STAP2: variants seen among roughly 807,000 people sequenced by gnomAD.
STAP2 encodes signal transducing adaptor family member 2, also known as signal-transducing adaptor protein 2.
A neutral mutation model predicts 52.7 loss-of-function variants in STAP2; 58 were observed. That is an observed-to-expected ratio of 1.10 (90% CI 0.89 to 1.37). The LOEUF is 1.37. Ranked by LOEUF, STAP2 falls within the 40% of genes most tolerant of loss-of-function variation. The pLI is 0.00. For missense variants in STAP2, 522 were observed against 519.4 expected (o/e 1.00, Z -0.05); for synonymous variants, 231 against 210.5 (o/e 1.10, Z -0.84).
In STAP2 at chr19:4,338,804, C is replaced by G. The variant is rs1568390322; in HGVS notation, c.-51G>C. On this transcript the variant is annotated 5_prime_UTR_variant, in exon 1 of 13. Transcript: ENST00000594605. ...CCTCTCCTTCCAGTGGGTGCCCCAG[C>G]TGGGCCGGGAAGCTGAGAAACAGGT... 1 of 1,577,164 alleles carries G rather than the reference C, an allele frequency of 6.3e-7. No homozygotes were observed. Among genetic ancestry groups the G allele is most frequent in the Admixed American group, 1.8e-5 (1 of 55,794 alleles).
At position 4,328,658 on chromosome 19, in the gene STAP2, C is replaced by A; in HGVS notation, c.590+17G>T. The A allele has an allele frequency of 2.5e-6, 4 of 1,584,396 alleles. No homozygotes were observed. The highest frequency in any genetic ancestry group is 3.4e-6 in the Non-Finnish European group (4 of 1,165,658). On this transcript the variant is annotated intron_variant, in intron 6 of 12. Transcript: ENST00000594605. ...CACCCTCCTCCCACCCAGGGCTCTCCAGACGCGCATGCGCACCCGTTGTGC... is the reference window on the plus strand; with the variant it reads ...CACCCTCCTCCCACCCAGGGCTCTCAAGACGCGCATGCGCACCCGTTGTGC...
In STAP2 at chr19:4,325,209, C is replaced by T; in HGVS notation, c.1072+7G>A. The T allele has an allele frequency of 1.3e-6, 2 of 1,574,956 alleles. No homozygotes were observed. Among genetic ancestry groups the T allele is most frequent in the African/African-American group, 1.4e-5 (1 of 73,734 alleles). ...AGGTGAGGGTGGGATATGGGGGGGA[C>T]CCCAACCTGGCTTGGGTCCAACGGG... On this transcript the variant is annotated splice_region_variant and intron_variant, in intron 11 of 12. Transcript: ENST00000594605.
Position 4,327,116 on chromosome 19 carries a change from G to GCACC in STAP2, c.763+4_763+7dup. Reference sequence around the variant, plus strand: ...CTGGGCCCCCGAACTCCCCGAAGGGGCACCCACCTAGCACCTTCTCGTAGT... The same window carrying GCACC: ...CTGGGCCCCCGAACTCCCCGAAGGGGCACCCACCCACCTAGCACCTTCTCGTAGT... On this transcript the variant is annotated splice_region_variant and intron_variant, in intron 8 of 12. Transcript: ENST00000594605. The GCACC allele has an allele frequency of 6.2e-7, 1 of 1,613,994 alleles. No homozygotes were observed. Among genetic ancestry groups the GCACC allele is most frequent in the Non-Finnish European group, 8.5e-7 (1 of 1,179,984 alleles).
intron 9 of STAP2, among the ~76,000 whole-genome samples, chr19:4,326,316 A>G (rs527356006): frequency 6.6e-6 from 1 of 152,298 alleles, no homozygotes; most frequent in East Asian, 1.9e-4. Flanking sequence ...AGTGTGTGTC[A>G]CCTTCTGGCT....
chr19:4,324,430 C>G (rs369998455), intron 12 of STAP2, 25 bp downstream of exon 12: 8 of 1,541,556 alleles, frequency 5.2e-6, no homozygotes, highest in Non-Finnish European at 6.1e-6. Flanking sequence ...AAGCCCGCCC[C>G]GCACTGACCC....
At chr19:4,326,304 C>T (rs921599777) in intron 9 of STAP2, among the ~76,000 whole-genome samples, 1 of 152,226 alleles carries the variant, frequency 6.6e-6, no homozygotes, top group South Asian at 2.1e-4. Context: ...TGTGCCCGCA[C>T]AAGTGTGTGT....
chr19:4,334,049 G>A lies in STAP2; in HGVS notation c.103-5C>T. 1 of 1,606,850 alleles carries A rather than the reference G, an allele frequency of 6.2e-7. No individual in the cohort carries two copies. The highest frequency in any genetic ancestry group is 8.5e-7 in the Non-Finnish European group (1 of 1,177,732). ...TGCCCAGAACTTCTTGTAATCCTAG[G>A]GACCAGAAGTGCAGAAAGAAGAGGT... On this transcript the variant is annotated splice_polypyrimidine_tract_variant and splice_region_variant and intron_variant, in intron 1 of 12. Transcript: ENST00000594605.
intron 1 of STAP2, among the ~76,000 whole-genome samples, chr19:4,335,983 T>C (rs1026983332): frequency 6.6e-6 from 1 of 152,114 alleles, no homozygotes; most frequent in African/African-American, 2.4e-5. Flanking sequence ...CTGGGTCTTC[T>C]TAATTCGGGC....
intron 3 of STAP2, among the ~76,000 whole-genome samples, chr19:4,333,117 G>T (rs976497744): frequency 1.3e-5 from 2 of 152,108 alleles, no homozygotes; most frequent in African/African-American, 4.8e-5. Context: ...TTAAACCTGG[G>T]AGGCAGAGGT....
chr19:4,338,212 C>T, intron 1 of STAP2: 1 of 168,192 alleles, frequency 5.9e-6, no homozygotes, highest in Non-Finnish European at 1.3e-5. Context: ...CCTCACATGT[C>T]ACCTGTCCTG....
chr19:4,337,207 C>A (rs900215523), intron 1 of STAP2, among the ~76,000 whole-genome samples: 1 of 151,184 alleles, frequency 6.6e-6, no homozygotes, highest in African/African-American at 2.4e-5. Context: ...AGTTTGAGAC[C>A]AGCCTGGGCA....
chr19:4,330,247 G>A (rs1020442043), intron 4 of STAP2, among the ~76,000 whole-genome samples, 186 bp from the exon 5 acceptor site: 13 of 152,128 alleles, frequency 8.5e-5, no homozygotes, highest in Non-Finnish European at 1.5e-4. Flanking sequence ...GGGGCCGGGC[G>A]CGGTGGCTCA....
intron 5 of STAP2, 153 bp from the exon 6 acceptor site, chr19:4,328,962 G>A (rs1971843804): frequency 9.4e-7 from 1 of 1,069,288 alleles, no homozygotes; most frequent in Non-Finnish European, 1.3e-6. Flanking sequence ...CTCCCACGGA[G>A]ACCCAGTCCG....
At position 4,329,950 on chromosome 19, in the gene STAP2, G is replaced by A. The variant is rs773159291; in HGVS notation, c.455+11C>T. 12 of 1,610,050 alleles carry A rather than the reference G, an allele frequency of 7.5e-6. No individual in the cohort carries two copies. Among genetic ancestry groups the A allele is most frequent in the East Asian group, 2.2e-5 (1 of 44,800 alleles). ...CATCCTGCAGCCCCTCGGGACAGGC[G>A]GGACACTCACGAGGGTGTCTCCAGT... On this transcript the variant is annotated intron_variant, in intron 5 of 12. Transcript: ENST00000594605.
chr19:4,330,711 ATT>A (rs1210010568), intron 4 of STAP2, among the ~76,000 whole-genome samples: 55 of 117,172 alleles, frequency 4.7e-4, no homozygotes, highest in African/African-American at 1.6e-3. Context: ...ATGTCAGCTA[ATT>A]TTTTTTTTTT....
intron 1 of STAP2, among the ~76,000 whole-genome samples, chr19:4,334,864 T>TCC (rs1335182056): frequency 3.2e-3 from 31 of 9,636 alleles, no homozygotes; most frequent in Non-Finnish European, 4.7e-3. Flanking sequence ...CATCTATCAA[T>TCC]GCATCCCTCC....
intron 1 of STAP2, among the ~76,000 whole-genome samples, chr19:4,335,039 C>T (rs1971959116): frequency 6.8e-6 from 1 of 146,834 alleles, no homozygotes; most frequent in Non-Finnish European, 1.5e-5. Flanking sequence ...CCTATCCATC[C>T]ATCCCTCCAT....
intron 4 of STAP2, among the ~76,000 whole-genome samples, chr19:4,331,003 A>G (rs7253549): frequency 0.69 from 104,197 of 150,644 alleles, 36,245 homozygotes; most frequent in African/African-American, 0.78. Flanking sequence ...GTGAGCCACC[A>G]CGCCTGGCCA....
chr19:4,324,932 A>T (rs1599546321), intron 11 of STAP2: 1 of 449,266 alleles, frequency 2.2e-6, no homozygotes, highest in Non-Finnish European at 4.1e-6. Flanking sequence ...CAGGAGATCA[A>T]GACCATCCTG....
Sources: gnomAD v4.1 joint callset for allele counts (sites outside exome capture counted in the v4.1 genomes callset) on GRCh38, gnomAD v4.1.1 for gene constraint, MANE v1.5 for transcripts, NCBI Gene and HGNC (gene_info 2026-07-23, HGNC 2026-07-21) for gene names.